Variants in ASB7 observed in about 807,000 individuals in gnomAD.
ASB7 encodes the protein ankyrin repeat and SOCS box protein 7.
Under a neutral mutation model 32.5 loss-of-function variants are expected in ASB7, and 4 were observed. The ratio of observed to expected loss-of-function variants is 0.12; its 90% CI spans 0.06 to 0.28. The LOEUF (loss-of-function observed/expected upper bound fraction) is 0.28. Among genes scored for constraint, ASB7 ranks in the 10% least tolerant of loss-of-function variants. The pLI is 1.00. For missense variants in ASB7, 181 were observed against 407.1 expected, an observed-to-expected ratio of 0.44 and a Z score of 4.78; for synonymous variants, 172 against 155.6, an observed-to-expected ratio of 1.11 and a Z score of -0.78.
chr15:100,646,622 G>A lies in ASB7; in HGVS notation c.818-1701G>A, dbSNP rs2039998830. The A allele has an allele frequency of 3.0e-5, 10 of 336,202 alleles. 1 individual carries two copies. The highest frequency in any genetic ancestry group is 2.4e-4 in the South Asian group (9 of 37,260). The allele number at this position is 336,202 out of a possible 1,614,324, so 20.8% of individuals were successfully genotyped here. On this transcript the variant is annotated intron_variant, in intron 5 of 5. Coordinates refer to ENST00000332783, the MANE Select transcript of ASB7 (RefSeq NM_198243.3). ...ACATCATTGATGGCCTATTTCTTGT[G>A]ATCAGTGTAGAAGCTTGTTTGCAGC...
Position 100,619,807 on chromosome 15 carries a change from C to T in ASB7, c.211+7380C>T, listed in dbSNP as rs1342074482. Among the ~76,000 whole-genome samples the T allele has an allele frequency of 2.6e-5, 4 of 152,172 alleles. No individual in the cohort carries two copies. The East Asian group carries it at 5.8e-4, about 22-fold the overall frequency. ...TGACCACAGGCAGCCTGGTGGGGAG[C>T]GGCCACGTGAAGCCACACTTGCTGC... On this transcript the variant is annotated intron_variant, in intron 4 of 5. Coordinates refer to ENST00000332783, the MANE Select transcript of ASB7 (RefSeq NM_198243.3).
chr15:100,635,765 C>T (rs574078197), intron 5 of ASB7, among the ~76,000 whole-genome samples: 1 of 152,306 alleles, frequency 6.6e-6, no homozygotes, highest in Admixed American at 6.5e-5. Context: ...CGTCTTCACA[C>T]GTTTCTTCTT....
chr15:100,645,418 G>T, intron 5 of ASB7: 5 of 305,140 alleles, frequency 1.6e-5, no homozygotes, highest in South Asian at 7.0e-5. Flanking sequence ...ATTATCATTC[G>T]AGTTCATGCC....
At position 100,602,969 on chromosome 15, in the gene ASB7, G is replaced by A. The variant is rs769344476; in HGVS notation, c.-350G>A. The A allele has an allele frequency of 5.0e-6, 2 of 399,128 alleles. No homozygotes were observed. Among genetic ancestry groups the A allele is most frequent in the Non-Finnish European group, 8.8e-6 (2 of 226,438 alleles). The allele number at this position is 399,128 out of a possible 1,614,324, so 24.7% of individuals were successfully genotyped here. On this transcript the variant is annotated 5_prime_UTR_variant, in exon 1 of 6. An upstream open reading frame in the 5' UTR gains an earlier in-frame stop. Transcript: ENST00000332783. ...GAACACCAGGGTCCGGCCCTGCCTGGGGTATTTCTTCAATGGAGAAGTTGG... is the reference window on the plus strand; with the variant it reads ...GAACACCAGGGTCCGGCCCTGCCTGAGGTATTTCTTCAATGGAGAAGTTGG...
chr15:100,639,492 T>C (rs1220555822), intron 5 of ASB7, among the ~76,000 whole-genome samples: 3 of 152,194 alleles, frequency 2.0e-5, no homozygotes, highest in Admixed American at 1.3e-4. Context: ...AAACCCCATA[T>C]AGCAATAAGT....
intron 5 of ASB7, among the ~76,000 whole-genome samples, chr15:100,648,106 A>T (rs2040008653): frequency 6.6e-6 from 1 of 152,226 alleles, no homozygotes; most frequent in South Asian, 2.1e-4. Context: ...CTTATTGGTA[A>T]AATGGAGTTG....
chr15:100,631,122 A>ATCG (rs2039880117), intron 5 of ASB7, among the ~76,000 whole-genome samples: 1 of 152,134 alleles, frequency 6.6e-6, no homozygotes, highest in African/African-American at 2.4e-5. Flanking sequence ...AATTATTATC[A>ATCG]CTAATGTTTT....
chr15:100,638,900 T>G (rs2039942956), intron 5 of ASB7, among the ~76,000 whole-genome samples: 3 of 152,090 alleles, frequency 2.0e-5, no homozygotes, highest in Middle Eastern at 3.2e-3. Context: ...GTCCATGTGG[T>G]CTCATTGTTA....
chr15:100,619,204 G>T (rs760748757), intron 4 of ASB7, among the ~76,000 whole-genome samples: 1 of 152,210 alleles, frequency 6.6e-6, no homozygotes, highest in Non-Finnish European at 1.5e-5. Flanking sequence ...AAGGATGGGG[G>T]TGTGGAATTA....
intron 4 of ASB7, among the ~76,000 whole-genome samples, chr15:100,614,641 A>G (rs921169015): frequency 2.6e-5 from 4 of 151,202 alleles, no homozygotes; most frequent in African/African-American, 9.7e-5. Flanking sequence ...TAGAGGCTGT[A>G]GCAGGGGCAT....
intron 2 of ASB7, among the ~76,000 whole-genome samples, chr15:100,605,600 A>G (rs1049726421): frequency 6.6e-6 from 1 of 152,222 alleles, no homozygotes; most frequent in African/African-American, 2.4e-5. Flanking sequence ...GTCTAAAGCC[A>G]GATATGATTT....
rs530444124 is a variant in ASB7, at chr15:100,651,061, T to C, written c.*2599T>C. ...ATTTGTCAGATTCTTTTATGTTTCC[T>C]TTGAAATTTATTATTTAAGCCTATT... On this transcript the variant is annotated 3_prime_UTR_variant, in exon 6 of 6. Transcript: ENST00000332783. 1 of 152,380 alleles carries C rather than the reference T, an allele frequency of 6.6e-6. No homozygotes were observed. Among genetic ancestry groups the C allele is most frequent in the African/African-American group, 2.4e-5 (1 of 41,596 alleles). The allele number at this position is 152,380 out of a possible 1,614,324, so 9.4% of individuals were successfully genotyped here.
Position 100,640,731 on chromosome 15 carries a change from A to G in ASB7, c.818-7592A>G, listed in dbSNP as rs186836027. Among the ~76,000 whole-genome samples, 408 of 152,324 alleles carry G rather than the reference A, an allele frequency of 2.7e-3. 4 individuals carry two copies. Among genetic ancestry groups the G allele is most frequent in the African/African-American group, 9.4e-3 (390 of 41,570 alleles). The stretch of plus-strand genomic sequence containing the variant: ...TATGAATCCAGGTATTTTTAAACAA[A>G]TAAGTTGATCCTATCATAAAAACGG... On this transcript the variant is annotated intron_variant, in intron 5 of 5. Coordinates refer to ENST00000332783, the MANE Select transcript of ASB7 (RefSeq NM_198243.3).
chr15:100,638,832 C>G (rs1247651474), intron 5 of ASB7, among the ~76,000 whole-genome samples: 1 of 152,044 alleles, frequency 6.6e-6, no homozygotes, highest in South Asian at 2.1e-4. Flanking sequence ...CTAATGCCCT[C>G]CCTCCCCTTG....
intron 3 of ASB7, among the ~76,000 whole-genome samples, chr15:100,610,927 T>C (rs1274334127): frequency 1.3e-5 from 2 of 152,358 alleles, no homozygotes; most frequent in South Asian, 2.1e-4. Context: ...GTTTTCTGTA[T>C]GTAGTTAAAA....
chr15:100,623,137 A>G (rs1026424219), intron 4 of ASB7, among the ~76,000 whole-genome samples: 4 of 152,166 alleles, frequency 2.6e-5, no homozygotes, highest in African/African-American at 4.8e-5. Context: ...GGTGGCTCAC[A>G]CCTGTAATCC....
intron 5 of ASB7, among the ~76,000 whole-genome samples, chr15:100,635,755 C>T (rs1191051533): frequency 6.6e-6 from 1 of 152,174 alleles, no homozygotes; most frequent in African/African-American, 2.4e-5. Context: ...CCCTAGGCTG[C>T]GTCTTCACAC....
At chr15:100,610,745 G>T (rs1200759937) in intron 3 of ASB7, among the ~76,000 whole-genome samples, 26 of 152,154 alleles carry the variant, frequency 1.7e-4, no homozygotes, top group Non-Finnish European at 5.9e-5. Context: ...ACGATTGTTG[G>T]TAGCAAGATT....
chr15:100,610,458 G>T (rs1346961466), intron 3 of ASB7, among the ~76,000 whole-genome samples: 2 of 149,838 alleles, frequency 1.3e-5, no homozygotes, highest in Non-Finnish European at 2.9e-5. Flanking sequence ...TCGCGCCACT[G>T]CACTCCAACC....
Sources: allele counts gnomAD v4.1 joint callset (sites outside exome capture counted in the v4.1 genomes callset), GRCh38; gene constraint gnomAD v4.1.1; transcripts MANE v1.5; gene names NCBI Gene and HGNC (gene_info 2026-07-23, HGNC 2026-07-21).